HDAC2: variants seen among roughly 807,000 people sequenced by gnomAD.
The protein encoded by HDAC2 is histone deacetylase 2.
HDAC2 carries 5 observed loss-of-function variants against 68.5 expected under a neutral mutation model. The observed-to-expected ratio is 0.07, with a 90% CI of 0.04 to 0.15. The LOEUF (loss-of-function observed/expected upper bound fraction) is 0.15. Ranked by LOEUF, HDAC2 falls within the 10% of genes least tolerant of loss-of-function variation. The pLI is 1.00. For synonymous variants in HDAC2, 182 were observed against 191.3 expected (o/e 0.95, Z 0.40); for missense variants, 291 against 600.8 (o/e 0.48, Z 5.39).
intron 1 of HDAC2, chr6:113,970,374 G>C (rs958050179): frequency 3.7e-6 from 3 of 802,812 alleles, no homozygotes; most frequent in Non-Finnish European, 4.5e-6. Flanking sequence ...GAGGGGCGGA[G>C]CTCTCGCGGC....
intron 8 of HDAC2, 189 bp from the exon 9 acceptor site, chr6:113,946,337 A>G (rs1414740184): frequency 9.3e-6 from 4 of 429,534 alleles, no homozygotes; most frequent in Non-Finnish European, 1.6e-5. Context: ...ACAATAATAC[A>G]TATTAAAAAA....
chr6:113,953,150 G>A (rs553853674), intron 6 of HDAC2, 127 bp downstream of exon 6: 14 of 663,996 alleles, frequency 2.1e-5, no homozygotes, highest in South Asian at 4.9e-5. Flanking sequence ...TACTGCATAC[G>A]TAGTAATTCA....
At chr6:113,962,270 T>C (rs567427673) in intron 1 of HDAC2, 37 of 187,668 alleles carry the variant, frequency 2.0e-4, no homozygotes, top group East Asian at 1.5e-3. Context: ...CTAAGTCACA[T>C]AGCCAGCAAG....
rs1165540151 is a variant in HDAC2 at position 113,935,919 on chromosome 6, A to G, written c.*5139T>C. 4.0e-5 allele frequency: 6 copies of G among 151,842 alleles called. No homozygotes were observed. The highest frequency in any genetic ancestry group is 5.9e-5 in the Non-Finnish European group (4 of 67,986). The allele number at this position is 151,842 out of a possible 1,614,324, so 9.4% of individuals were successfully genotyped here. A position where few individuals can be genotyped will look rare whatever the true frequency, so the allele number is the denominator to read the frequency against. On this transcript the variant is annotated 3_prime_UTR_variant, in exon 14 of 14. Coordinates refer to ENST00000519065, the MANE Select transcript of HDAC2 (RefSeq NM_001527.4). The stretch of plus-strand genomic sequence containing the variant: ...AATGCCCCTGAATATTAACTTCACT[A>G]TAACTATAATTCCTAGAAATAAATT...
In HDAC2 at chr6:113,945,282, C is replaced by T. The variant is rs1371153391; in HGVS notation, c.1091+80G>A. 1.7e-5 allele frequency: 10 copies of T among 590,464 alleles called. No homozygotes were observed. In the Admixed American group the frequency reaches 2.3e-4, roughly 14 times the overall value. 36.6% of individuals were successfully genotyped at this position (590,464 alleles called of 1,614,324 possible). ...AAATATCTAATAAAGTTAAAAAGAC[C>T]CATCATACTTGGCCCTTTAAAGCAT... On this transcript the variant is annotated intron_variant, in intron 10 of 13. Transcript: ENST00000519065.
chr6:113,954,405 A>T (rs192881296), intron 5 of HDAC2, among the ~76,000 whole-genome samples: 81 of 152,334 alleles, frequency 5.3e-4, no homozygotes, highest in Non-Finnish European at 8.7e-4. Flanking sequence ...AAAAACAGAA[A>T]TGAGGCTGTG....
At chr6:113,965,835 A>T (rs1427488646) in intron 1 of HDAC2, among the ~76,000 whole-genome samples, 1 of 152,228 alleles carries the variant, frequency 6.6e-6, no homozygotes, top group Non-Finnish European at 1.5e-5. Context: ...TGAAATACAG[A>T]GGAATAAGGC....
At position 113,946,193 on chromosome 6, in the gene HDAC2, A is replaced by G. The variant is rs201554715; in HGVS notation, c.842-45T>C. ...GTAACAACAAAATCTGCATACTGCA[A>G]CAGTTCGAAAAATAAATTTTAAAAA... On this transcript the variant is annotated intron_variant, in intron 8 of 13. Transcript: ENST00000519065. 1,070 of 1,507,744 alleles carry G rather than the reference A, an allele frequency of 7.1e-4. 5 individuals carry two copies. The highest frequency in any genetic ancestry group is 5.4e-3 in the South Asian group (437 of 80,526). 93.4% of individuals were successfully genotyped at this position (1,507,744 alleles called of 1,614,324 possible). A position where few individuals can be genotyped will look rare whatever the true frequency, so the allele number is the denominator to read the frequency against.
intron 6 of HDAC2, among the ~76,000 whole-genome samples, chr6:113,949,811 T>G (rs908920014): frequency 1.3e-5 from 2 of 152,124 alleles, no homozygotes; most frequent in African/African-American, 4.8e-5. Context: ...AGACAGAGTT[T>G]TGCTCGTTGC....
At chr6:113,956,891 GATC>G (rs1776566787) in intron 3 of HDAC2, 198 bp from the exon 4 acceptor site, 1 of 510,042 alleles carries the variant, frequency 2.0e-6, no homozygotes, top group East Asian at 3.1e-5. Flanking sequence ...ATCTGTGAAA[GATC>G]ATCAAATCTT....
chr6:113,965,810 T>C (rs1412167035), intron 1 of HDAC2, among the ~76,000 whole-genome samples: 1 of 152,196 alleles, frequency 6.6e-6, no homozygotes, highest in Admixed American at 6.5e-5. Context: ...CAAGTAACAA[T>C]AAGCAGACTG....
In HDAC2 at chr6:113,934,474, C is replaced by T. The variant is rs1246264685; in HGVS notation, c.*6584G>A. The stretch of plus-strand genomic sequence containing the variant: ...GTGCATTGTTCTTTACTTGTTGCTG[C>T]TCTAGATGATGATGGTGTTTTGAGG... On this transcript the variant is annotated 3_prime_UTR_variant, in exon 14 of 14. Coordinates refer to ENST00000519065, the MANE Select transcript of HDAC2 (RefSeq NM_001527.4). 6.6e-6 allele frequency: 1 copy of T among 152,208 alleles called. No homozygotes were observed. Among genetic ancestry groups the T allele is most frequent in the Non-Finnish European group, 1.5e-5 (1 of 68,064 alleles). The allele number at this position is 152,208 out of a possible 1,614,324, so 9.4% of individuals were successfully genotyped here.
chr6:113,941,674 A>G (rs369335067), intron 13 of HDAC2, 34 bp downstream of exon 13: 4 of 866,392 alleles, frequency 4.6e-6, no homozygotes, highest in Non-Finnish European at 7.2e-6. Context: ...TTTTTATAGT[A>G]TGTAAAAAGT....
At chr6:113,970,711 G>C in intron 1 of HDAC2, 146 bp downstream of exon 1, 1 of 1,395,030 alleles carries the variant, frequency 7.2e-7, no homozygotes, top group African/African-American at 1.5e-5. Flanking sequence ...TTCTAACTGT[G>C]CCGGGCCGGG....
intron 8 of HDAC2, chr6:113,947,554 AG>A (rs1776292090): frequency 6.6e-6 from 1 of 152,222 alleles, no homozygotes; most frequent in Non-Finnish European, 1.5e-5. Context: ...AAAAATATTA[AG>A]TACAAAAACA....
rs1386676024 is a variant in HDAC2 at position 113,938,880 on chromosome 6, T to G, written c.*2178A>C. ...CTGAAATTGCTTTAGATAGTTCTCT[T>G]GAGGTTTTAGTTGTATATAACCAAC... On this transcript the variant is annotated 3_prime_UTR_variant, in exon 14 of 14. Transcript: ENST00000519065. The G allele has an allele frequency of 3.3e-5, 5 of 152,188 alleles. No individual in the cohort carries two copies. Among genetic ancestry groups the G allele is most frequent in the African/African-American group, 1.2e-4 (5 of 41,428 alleles). The allele number at this position is 152,188 out of a possible 1,614,324, so 9.4% of individuals were successfully genotyped here. A position where few individuals can be genotyped will look rare whatever the true frequency, so the allele number is the denominator to read the frequency against.
At chr6:113,941,270 G>C (rs1776126155) in intron 13 of HDAC2, among the ~76,000 whole-genome samples, 182 bp from the exon 14 acceptor site, 1 of 151,978 alleles carries the variant, frequency 6.6e-6, no homozygotes, top group Non-Finnish European at 1.5e-5. Context: ...ACTATTCCAA[G>C]TTATCCTGTA....
At chr6:113,969,420 A>C (rs1219648760) in intron 1 of HDAC2, among the ~76,000 whole-genome samples, 2 of 152,244 alleles carry the variant, frequency 1.3e-5, no homozygotes, top group African/African-American at 2.4e-5. Flanking sequence ...TACAAGTTAA[A>C]GTAGATTTAT....
intron 3 of HDAC2, among the ~76,000 whole-genome samples, chr6:113,957,584 C>T (rs1562146668): frequency 6.6e-6 from 1 of 151,924 alleles, no homozygotes; most frequent in Non-Finnish European, 1.5e-5. Flanking sequence ...GGGGCTCAAG[C>T]AAGCAATTCT....
Sources: gnomAD v4.1 joint callset for allele counts (sites outside exome capture counted in the v4.1 genomes callset) on GRCh38, gnomAD v4.1.1 for gene constraint, MANE v1.5 for transcripts, NCBI Gene and HGNC (gene_info 2026-07-23, HGNC 2026-07-21) for gene names.